The following FAT1 variants were observed in gnomAD, a reference collection of about 807,000 sequenced individuals.
FAT1 encodes the protein FAT atypical cadherin 1.
A neutral mutation model predicts 329.8 loss-of-function variants in FAT1; 171 were observed. The ratio of observed to expected loss-of-function variants is 0.52; its 90% CI spans 0.46 to 0.59. The LOEUF (loss-of-function observed/expected upper bound fraction) is 0.59, where lower values mean the gene tolerates loss of function less well. Among genes scored for constraint, FAT1 ranks in the 20% least tolerant of loss-of-function variants. The pLI is 0.00. For missense variants in FAT1, 5,672 were observed against 5,774.4 expected (o/e 0.98, Z 0.57); for synonymous variants, 2,233 against 2,228.6 (o/e 1.00, Z -0.06).
Position 186,621,746 on chromosome 4 carries a change from G to C in FAT1, c.4840C>G (p.Pro1614Ala), listed in dbSNP as rs986675020. 1.3e-6 allele frequency: 2 copies of C among 1,579,504 alleles called. No individual in the cohort carries two copies. The highest frequency in any genetic ancestry group is 8.6e-7 in the Non-Finnish European group (1 of 1,166,508). The stretch of plus-strand genomic sequence containing the variant: ...GCAGTTTTAATAGAGCCCAAGACAG[G>C]ATCAATCATAAAAGAATTTCCAATA... ...GNIGNSFMID[P>A]VLGSIKTAKE... Residue 1614 changes from proline to alanine, a missense_variant, in exon 10 of 27, where the codon CCT (proline) becomes GCT (alanine). Pro to Ala is a conservative substitution (Grantham distance 27, BLOSUM62 -1). This residue lies in a region of FAT1 where 3,966 missense variants were observed against 3,915.2 expected (regional missense o/e 1.01). Transcript: ENST00000441802.
At chr4:186,650,163 G>T (rs1248983546) in intron 3 of FAT1, among the ~76,000 whole-genome samples, 1 of 152,212 alleles carries the variant, frequency 6.6e-6, no homozygotes. Context: ...TCCCTCAGGA[G>T]GAGGAGAGAG....
chr4:186,647,067 C>T (rs1741420250), intron 3 of FAT1, among the ~76,000 whole-genome samples: 1 of 152,208 alleles, frequency 6.6e-6, no homozygotes, highest in Non-Finnish European at 1.5e-5. Flanking sequence ...TGTGCACTGT[C>T]ATTCAACTGC....
rs2126513487 is a variant in FAT1 at position 186,620,214 on chromosome 4, A to G, written c.6372T>C (p.His2124=). ...GEVHYYLKEH[H]EHFQIGPLGE... ...CCAAGGGTCCAATTTGAAAGTGTTC[A>G]TGATGTTCCTTGAGGTAGTAATGCA... The change falls in exon 10 of 27, where the codon CAT becomes CAC. Residue 2124 remains histidine (H), a synonymous_variant. Coordinates refer to ENST00000441802, the MANE Select transcript of FAT1 (RefSeq NM_005245.4). The G allele has an allele frequency of 6.2e-7, 1 of 1,614,034 alleles. No individual in the cohort carries two copies. Among genetic ancestry groups the G allele is most frequent in the Non-Finnish European group, 8.5e-7 (1 of 1,179,912 alleles).
intron 1 of FAT1, among the ~76,000 whole-genome samples, chr4:186,722,506 C>T (rs1745508863): frequency 6.6e-6 from 1 of 152,190 alleles, no homozygotes; most frequent in South Asian, 2.1e-4. Context: ...ATAATTCTAA[C>T]TGTGGAATCA....
chr4:186,676,949 C>A (rs949317746), intron 2 of FAT1, among the ~76,000 whole-genome samples: 12 of 152,282 alleles, frequency 7.9e-5, no homozygotes, highest in African/African-American at 2.9e-4. Context: ...TGAATGCTGA[C>A]TGAAGCAAAT....
Position 186,706,893 on chromosome 4 carries a change from G to C in FAT1, c.2935C>G (p.Leu979Val), listed in dbSNP as rs1176217992. The change falls in exon 2 of 27, where the codon CTC becomes GTC. Residue 979 changes from leucine to valine, a missense_variant. By Grantham distance (32) the Leu-to-Val change is conservative. This residue lies in a region of FAT1 where 3,966 missense variants were observed against 3,915.2 expected (regional missense o/e 1.01). Transcript: ENST00000441802. ...TGGACGATCCTAACTGCTCCACTGA[G>C]TTTATCCACATCGAAGTTTCCTTCT... ...HGEGNFDVDK[L>V]SGAVRIVQQL... 1 of 1,613,944 alleles carries C rather than the reference G, an allele frequency of 6.2e-7. No individual in the cohort carries two copies. The highest frequency in any genetic ancestry group is 8.5e-7 in the Non-Finnish European group (1 of 1,179,890).
Position 186,709,501 on chromosome 4 carries a change from A to G in FAT1, c.327T>C (p.Asn109=), listed in dbSNP as rs1288147681. The G allele has an allele frequency of 6.2e-6, 10 of 1,613,844 alleles. No individual in the cohort carries two copies. The highest frequency in any genetic ancestry group is 8.5e-6 in the Non-Finnish European group (10 of 1,179,880). ...RTKGGNTAIL[N]REVKDHYTLI... ...ATGTGTAGTGATCCTTCACTTCTCT[A>G]TTAAGAATAGCTGTATTTCCTCCTT... is the stretch of plus-strand genomic sequence containing the variant. The change falls in exon 2 of 27, where the codon AAT becomes AAC. Residue 109 remains asparagine, a synonymous_variant. Transcript: ENST00000441802.
At chr4:186,668,427 C>T (rs1375719626) in intron 2 of FAT1, among the ~76,000 whole-genome samples, 1 of 152,204 alleles carries the variant, frequency 6.6e-6, no homozygotes, top group Non-Finnish European at 1.5e-5. Flanking sequence ...GCCTTCAAAA[C>T]CCTCCAGTGC....
At chr4:186,721,095 G>C (rs1745452215) in intron 1 of FAT1, among the ~76,000 whole-genome samples, 1 of 152,178 alleles carries the variant, frequency 6.6e-6, no homozygotes, top group African/African-American at 2.4e-5. Context: ...TTCTATGAAG[G>C]ATACAGATTA....
At chr4:186,640,169 G>A (rs896908869) in intron 3 of FAT1, among the ~76,000 whole-genome samples, 5 of 152,004 alleles carry the variant, frequency 3.3e-5, no homozygotes, top group South Asian at 2.1e-4. Flanking sequence ...GTAAAAGTCT[G>A]AGCAAATTTC....
intron 2 of FAT1, among the ~76,000 whole-genome samples, chr4:186,695,313 T>C (rs1035070094): frequency 1.3e-5 from 2 of 152,220 alleles, no homozygotes; most frequent in African/African-American, 2.4e-5. Flanking sequence ...TATATTCACC[T>C]GGAAGGCCAG....
rs796798227 is a variant in FAT1, at chr4:186,637,955, ATTTCCT to A, written c.3643-1047_3643-1042del. Among the ~76,000 whole-genome samples, 55 of 152,348 alleles carry A rather than the reference ATTTCCT, an allele frequency of 3.6e-4. 1 individual carries two copies. The highest frequency in any genetic ancestry group is 1.3e-3 in the African/African-American group (54 of 41,584). On this transcript the variant is annotated intron_variant, in intron 4 of 26. Transcript: ENST00000441802. ...TATTTTAATTTTAAACTCTCGAAAC[ATTTCCT>A]TTTCATCAGTTTGCATATGAGCTTT...
At chr4:186,681,889 C>T (rs988524094) in intron 2 of FAT1, among the ~76,000 whole-genome samples, 3 of 152,154 alleles carry the variant, frequency 2.0e-5, no homozygotes, top group African/African-American at 7.2e-5. Flanking sequence ...CCACCTTTGC[C>T]TCCATAACTA....
Position 186,619,513 on chromosome 4 carries a change from A to C in FAT1, c.7073T>G (p.Ile2358Ser), listed in dbSNP as rs2126506331. 1 of 1,613,938 alleles carries C rather than the reference A, an allele frequency of 6.2e-7. No individual in the cohort carries two copies. Among genetic ancestry groups the C allele is most frequent in the Non-Finnish European group, 8.5e-7 (1 of 1,179,882 alleles). The change falls in exon 10 of 27, where the codon ATT becomes AGT. Residue 2358 changes from isoleucine to serine, a missense_variant. Physicochemically the swap from Ile to Ser is moderately radical, Grantham distance 142. Coordinates refer to ENST00000441802, the MANE Select transcript of FAT1 (RefSeq NM_005245.4). ...LDYEQSRQHT[I>S]FVRAVDGGMP... ...ACCACCATCAACTGCCCTCACAAAA[A>C]TCGTGTGCTGCCGGGACTGCTCGTA...
rs759492838 is a variant in FAT1, at chr4:186,613,112, C to A, written c.9460G>T (p.Ala3154Ser). Residue 3154 changes from alanine (A) to serine (S), a missense_variant, in exon 13 of 27, where the codon GCA (alanine) becomes TCA (serine). Ala to Ser is a moderately conservative substitution (Grantham distance 99). Around this residue, in one of 2 missense-constraint regions of FAT1, gnomAD observed 1,706 missense variants for 1,859.1 expected, o/e 0.92. Coordinates refer to ENST00000441802, the MANE Select transcript of FAT1 (RefSeq NM_005245.4). ...LTRVQATDAD[A>S]GLNRKILYSL... is the part of the protein sequence containing the mutation. ...CAAGAGCATTCCCGGGAGATACCTGCGTCGGCATCTGTGGCCTGCACTCTT... is the reference window on the plus strand; with the variant it reads ...CAAGAGCATTCCCGGGAGATACCTGAGTCGGCATCTGTGGCCTGCACTCTT... The A allele has an allele frequency of 6.2e-5, 100 of 1,605,304 alleles. No individual in the cohort carries two copies. The highest frequency in any genetic ancestry group is 2.2e-4 in the South Asian group (20 of 90,992).
rs1373932235 is a variant in FAT1, at chr4:186,604,358, C to A, written c.10548+19G>T. 6.2e-7 allele frequency: 1 copy of A among 1,600,442 alleles called. No individual in the cohort carries two copies. Among genetic ancestry groups the A allele is most frequent in the Non-Finnish European group, 8.5e-7 (1 of 1,172,646 alleles). The stretch of plus-strand genomic sequence containing the variant: ...TCTCTATGAATCCACAACCAAACCA[C>A]AAAGAAAGCCATTCATACCTTCACC... On this transcript the variant is annotated intron_variant, in intron 18 of 26. Coordinates refer to ENST00000441802, the MANE Select transcript of FAT1 (RefSeq NM_005245.4).
At chr4:186,682,983 G>C (rs1319180197) in intron 2 of FAT1, among the ~76,000 whole-genome samples, 2 of 152,200 alleles carry the variant, frequency 1.3e-5, no homozygotes, top group Non-Finnish European at 2.9e-5. Flanking sequence ...AAGGGGCCCT[G>C]GACTGACTGC....
At chr4:186,592,834 A>G in intron 26 of FAT1, 1 of 449,980 alleles carries the variant, frequency 2.2e-6, no homozygotes, top group Non-Finnish European at 4.5e-6. Flanking sequence ...GTTTTGTATT[A>G]TACCATTTCT....
At chr4:186,684,295 A>G (rs2126649335) in intron 2 of FAT1, among the ~76,000 whole-genome samples, 2 of 152,284 alleles carry the variant, frequency 1.3e-5, no homozygotes, top group Middle Eastern at 6.8e-3. Flanking sequence ...AATTATAACT[A>G]TATCCAATCC....
Sources: gnomAD v4.1 joint callset for allele counts (sites outside exome capture counted in the v4.1 genomes callset) on GRCh38, gnomAD v4.1.1 for gene constraint, gnomAD v4.1.1 regional missense constraint, MANE v1.5 for transcripts, NCBI Gene and HGNC (gene_info 2026-07-23, HGNC 2026-07-21) for gene names.